The following USPL1 variants were observed in gnomAD, a reference collection of about 807,000 sequenced individuals.
The protein encoded by USPL1 is ubiquitin specific peptidase like 1.
In USPL1, 27 loss-of-function variants were observed where a neutral mutation model predicts 51.5. The ratio of observed to expected loss-of-function variants is 0.52; its 90% CI spans 0.39 to 0.72. USPL1 has a LOEUF of 0.72. Among genes scored for constraint, USPL1 ranks in the 30% least tolerant of loss-of-function variants. USPL1 has a pLI of 0.00. For missense variants in USPL1, 1,226 were observed against 1,268.0 expected (o/e 0.97, Z 0.50); for synonymous variants, 451 against 459.6 (o/e 0.98, Z 0.24).
chr13:30,630,950 AT>A lies in USPL1; in HGVS notation c.346del (p.Ser116HisfsTer4). On this transcript the variant is annotated frameshift_variant, in exon 4 of 9. Coordinates refer to ENST00000255304, the MANE Select transcript of USPL1 (RefSeq NM_005800.5). LOFTEE classifies it high-confidence loss of function. ...AAGAGCTTAGAAAGCAGCTATAAGG[AT>A]TCACTTCTTTTAGCAAATTCCAAAA... The part of the protein sequence containing the change: ...KRKSLESSYK[D>X]SLLLANSKKT... 1.2e-6 allele frequency: 2 copies of A among 1,614,144 alleles called. No individual in the cohort carries two copies. The highest frequency in any genetic ancestry group is 1.7e-6 in the Non-Finnish European group (2 of 1,180,044).
Position 30,621,076 on chromosome 13 carries a change from T to C in USPL1, c.-65T>C. Reference sequence around the variant, plus strand: ...TCTATTGACTTTTTTTTTCCAGGGTTCATTGAAAAAATCCTTAGTGATATT... The same window carrying C: ...TCTATTGACTTTTTTTTTCCAGGGTCCATTGAAAAAATCCTTAGTGATATT... On this transcript the variant is annotated 5_prime_UTR_variant, in exon 2 of 9. Transcript: ENST00000255304. 7.6e-7 allele frequency: 1 copy of C among 1,313,982 alleles called. No individual in the cohort carries two copies. The highest frequency in any genetic ancestry group is 2.4e-5 in the East Asian group (1 of 42,186). 81.4% of individuals were successfully genotyped at this position (1,313,982 alleles called of 1,614,324 possible). A position where few individuals can be genotyped will look rare whatever the true frequency, so the allele number is the denominator to read the frequency against.
At chr13:30,634,512 TTGTAAAAATTTATGGGGC>T (rs1950849468) in intron 4 of USPL1, among the ~76,000 whole-genome samples, 1 of 152,222 alleles carries the variant, frequency 6.6e-6, no homozygotes, top group African/African-American at 2.4e-5. Flanking sequence ...TTTTTTCTTG[TTGTAAAAATTTATGGGGC>T]TGTTTATAGT....
rs2137733262 is a variant in USPL1, at chr13:30,658,391, C to T, written c.2314C>T (p.Pro772Ser). 1.2e-6 allele frequency: 2 copies of T among 1,613,534 alleles called. No individual in the cohort carries two copies. Among genetic ancestry groups the T allele is most frequent in the Middle Eastern group, 1.6e-4 (1 of 6,062 alleles). ...AATAAGCAGGGGTGCTTCTTTTATG[C>T]CACTCTGTGTTTCAGCTCATAATAG... ...GLISRGASFM[P>S]LCVSAHNRNT... The change falls in exon 9 of 9, where the codon CCA (proline) becomes TCA (serine). Residue 772 changes from proline (P) to serine (S), a missense_variant. By Grantham distance (74) the Pro-to-Ser change is moderately conservative (BLOSUM62 -1). Coordinates refer to ENST00000255304, the MANE Select transcript of USPL1 (RefSeq NM_005800.5).
In USPL1 at chr13:30,631,196, G is replaced by A. The variant is rs757351222; in HGVS notation, c.590G>A (p.Gly197Asp). Residue 197 changes from glycine (G) to aspartate (D), a missense_variant, in exon 4 of 9, where the codon GGC becomes GAC. Transcript: ENST00000255304. ...GCTACAGTTGATGTCTCTGGAACTG[G>A]CAGACCTTCCCCTCAAAATGAAGGA... ...DPATVDVSGT[G>D]RPSPQNEGCT... 11 of 1,614,164 alleles carry A rather than the reference G, an allele frequency of 6.8e-6. No homozygotes were observed. The highest frequency in any genetic ancestry group is 9.3e-6 in the Non-Finnish European group (11 of 1,180,024).
Position 30,659,229 on chromosome 13 carries a change from T to C in USPL1, c.3152T>C (p.Leu1051Ser), listed in dbSNP as rs575454006. Reference protein sequence around the residue: ...SLTNNACVRTLNLESPMKTDI... With the variant: ...SLTNNACVRTSNLESPMKTDI... The stretch of plus-strand genomic sequence containing the variant: ...ACAAATAATGCCTGCGTTAGAACAT[T>C]AAACTTGGAGAGTCCGATGAAGACT... The change falls in exon 9 of 9, where the codon TTA becomes TCA. Residue 1051 changes from leucine to serine, a missense_variant. By Grantham distance (145) the Leu-to-Ser change is moderately radical. Transcript: ENST00000255304. 9.3e-6 allele frequency: 15 copies of C among 1,614,158 alleles called. No individual in the cohort carries two copies. In the South Asian group the frequency reaches 1.5e-4, roughly 17 times the overall value.
intron 8 of USPL1, among the ~76,000 whole-genome samples, chr13:30,653,890 T>C (rs1422262618): frequency 6.6e-6 from 1 of 152,212 alleles, no homozygotes; most frequent in African/African-American, 2.4e-5. Context: ...CCTTAAAGGG[T>C]TGTATCAAGC....
At position 30,627,190 on chromosome 13, in the gene USPL1, A is replaced by C. The variant is rs927932677; in HGVS notation, c.229-3645A>C. On this transcript the variant is annotated intron_variant, in intron 3 of 8. Coordinates refer to ENST00000255304, the MANE Select transcript of USPL1 (RefSeq NM_005800.5). ...CTAATGCTTTGTGTATATTTTTATG[A>C]CTTTTTTGAAGACAGCTTAAAAGCT... Among the ~76,000 whole-genome samples the C allele has an allele frequency of 2.6e-5, 4 of 152,196 alleles. No homozygotes were observed. The South Asian group carries it at 8.3e-4, about 32-fold the overall frequency.
At position 30,646,912 on chromosome 13, in the gene USPL1, G is replaced by A; in HGVS notation, c.1113-20G>A. 1 of 1,595,856 alleles carries A rather than the reference G, an allele frequency of 6.3e-7. No individual in the cohort carries two copies. Among genetic ancestry groups the A allele is most frequent in the Non-Finnish European group, 8.5e-7 (1 of 1,171,354 alleles). On this transcript the variant is annotated intron_variant, in intron 6 of 8. Coordinates refer to ENST00000255304, the MANE Select transcript of USPL1 (RefSeq NM_005800.5). ...AAATGCATTTAACGTTAATGAATTTGTTATGTCATTTTTTTATAGGCATAT... is the reference window on the plus strand; with the variant it reads ...AAATGCATTTAACGTTAATGAATTTATTATGTCATTTTTTTATAGGCATAT...
intron 5 of USPL1, among the ~76,000 whole-genome samples, chr13:30,641,097 A>G (rs890685345): frequency 2.0e-5 from 3 of 152,258 alleles, no homozygotes; most frequent in Non-Finnish European, 4.4e-5. Context: ...TTTTCCCAGT[A>G]GACAGATCTA....
intron 8 of USPL1, 106 bp from the exon 9 acceptor site, chr13:30,657,368 C>T: frequency 8.7e-7 from 1 of 1,144,748 alleles, no homozygotes; most frequent in Non-Finnish European, 1.2e-6. Flanking sequence ...AGAGTCTTCT[C>T]CTTTGGTCGG....
intron 5 of USPL1, among the ~76,000 whole-genome samples, chr13:30,642,127 G>A (rs1464095580): frequency 6.6e-6 from 1 of 152,000 alleles, no homozygotes; most frequent in African/African-American, 2.4e-5. Context: ...TGGCCAGGAT[G>A]GTCTCAAACG....
intron 1 of USPL1, 89 bp from the exon 2 acceptor site, chr13:30,620,984 C>T (rs2137598151): frequency 1.7e-6 from 1 of 572,494 alleles, no homozygotes; most frequent in East Asian, 3.3e-5. Context: ...TCAAAATCTG[C>T]TTACTATATA....
intron 4 of USPL1, among the ~76,000 whole-genome samples, chr13:30,632,999 A>G (rs1184807157): frequency 4.9e-4 from 2 of 4,112 alleles, no homozygotes; most frequent in Non-Finnish European, 1.4e-3. Flanking sequence ...CCCATTCTCT[A>G]CCTCCCCCCC....
At chr13:30,622,860 C>CGTGT (rs1309212054) in intron 3 of USPL1, among the ~76,000 whole-genome samples, 2 of 152,092 alleles carry the variant, frequency 1.3e-5, no homozygotes, top group Non-Finnish European at 2.9e-5. Context: ...TAATCCCAGG[C>CGTGT]GTGTCTACAA....
intron 3 of USPL1, among the ~76,000 whole-genome samples, chr13:30,630,130 C>A (rs1950781467): frequency 6.6e-6 from 1 of 152,072 alleles, no homozygotes; most frequent in South Asian, 2.1e-4. Flanking sequence ...GAGTGTACTG[C>A]CATGCCCACC....
rs548295242 is a variant in USPL1, at chr13:30,659,620, G to A, written c.*264G>A. 17 of 332,312 alleles carry A rather than the reference G, an allele frequency of 5.1e-5. No homozygotes were observed. Among genetic ancestry groups the A allele is most frequent in the South Asian group, 2.1e-4 (3 of 14,026 alleles). The allele number at this position is 332,312 out of a possible 1,614,324, so 20.6% of individuals were successfully genotyped here. On this transcript the variant is annotated 3_prime_UTR_variant, in exon 9 of 9. Transcript: ENST00000255304. ...CAAAATGTTAAAGATGAAAAGTGGC[G>A]TCTAGTTTCTGACAGTTTGTACAGT...
chr13:30,646,575 T>G (rs1003093203), intron 6 of USPL1, among the ~76,000 whole-genome samples: 1 of 152,246 alleles, frequency 6.6e-6, no homozygotes, highest in Non-Finnish European at 1.5e-5. Flanking sequence ...TACAGACAAC[T>G]GGATGCCGTT....
rs2137655956 is a variant in USPL1 at position 30,637,005 on chromosome 13, G to A, written c.869-739G>A. On this transcript the variant is annotated intron_variant, in intron 4 of 8. Transcript: ENST00000255304. ...CACTTGCCCAGGCTGGAGTGCAGTA[G>A]TACAATCACAGCTCACTGCAGCTTG... Among the ~76,000 whole-genome samples, 2 of 152,236 alleles carry A rather than the reference G, an allele frequency of 1.3e-5. 1 individual carries two copies. The highest frequency in any genetic ancestry group is 4.1e-4 in the South Asian group (2 of 4,822).
chr13:30,646,980 C>G lies in USPL1; in HGVS notation c.1161C>G (p.His387Gln). 6.2e-7 allele frequency: 1 copy of G among 1,613,884 alleles called. No homozygotes were observed. The highest frequency in any genetic ancestry group is 8.5e-7 in the Non-Finnish European group (1 of 1,179,858). Residue 387 changes from histidine (H) to glutamine (Q), a missense_variant, in exon 7 of 9, where the codon CAC becomes CAG. By Grantham distance (24) the His-to-Gln change is conservative. Coordinates refer to ENST00000255304, the MANE Select transcript of USPL1 (RefSeq NM_005800.5). Reference sequence around the variant, plus strand: ...TTACAAATGTCATCCCTGAGTGGCACCCACTTAATGCTGCCCATTTTGGTC... The same window carrying G: ...TTACAAATGTCATCCCTGAGTGGCAGCCACTTAATGCTGCCCATTTTGGTC... Reference protein sequence around the residue: ...VTFTNVIPEWHPLNAAHFGPC... With the variant: ...VTFTNVIPEWQPLNAAHFGPC...
Sources: allele counts gnomAD v4.1 joint callset (sites outside exome capture counted in the v4.1 genomes callset), GRCh38; gene constraint gnomAD v4.1.1; transcripts MANE v1.5; gene names NCBI Gene and HGNC (gene_info 2026-07-23, HGNC 2026-07-21).